PCDHGA1: variants seen among roughly 807,000 people sequenced by gnomAD.
PCDHGA1 encodes the protein protocadherin gamma-A1.
A neutral mutation model predicts 58.0 loss-of-function variants in PCDHGA1; 32 were observed. The ratio of observed to expected loss-of-function variants is 0.55; its 90% CI spans 0.42 to 0.74. The LOEUF (loss-of-function observed/expected upper bound fraction) is 0.74. Among genes scored for constraint, PCDHGA1 ranks in the 30% least tolerant of loss-of-function variants. PCDHGA1 has a pLI of 0.00. For missense variants in PCDHGA1, 1,205 were observed against 1,182.3 expected (o/e 1.02, Z -0.28); for synonymous variants, 498 against 501.1 (o/e 0.99, Z 0.08).
chr5:141,491,871 C>T lies in PCDHGA1; in HGVS notation c.2422-2936C>T, dbSNP rs1222191027. 2.1e-6 allele frequency: 3 copies of T among 1,451,434 alleles called. No individual in the cohort carries two copies. Among genetic ancestry groups the T allele is most frequent in the Non-Finnish European group, 2.7e-6 (3 of 1,098,418 alleles). 89.9% of individuals were successfully genotyped at this position (1,451,434 alleles called of 1,614,324 possible). ...ACCGTTTGCGCGAAACCAGAGTGGC[C>T]GATTAAGGGATGGGGCTCCGAGCAC... On this transcript the variant is annotated intron_variant, in intron 1 of 3. Transcript: ENST00000517417. The surrounding 1 kb of genome is among the most constrained non-coding windows in gnomAD (Gnocchi z 6.9).
chr5:141,396,911 T>C (rs756096789), intron 1 of PCDHGA1, among the ~76,000 whole-genome samples: 3 of 152,238 alleles, frequency 2.0e-5, no homozygotes, highest in Non-Finnish European at 4.4e-5. Context: ...CACTTTGCAA[T>C]TTTAAAAACT....
At position 141,489,786 on chromosome 5, in the gene PCDHGA1, G is replaced by A. The variant is rs758119518; in HGVS notation, c.2422-5021G>A. 8.7e-6 allele frequency: 14 copies of A among 1,614,194 alleles called. No individual in the cohort carries two copies. Among genetic ancestry groups the A allele is most frequent in the Non-Finnish European group, 1.2e-5 (14 of 1,180,014 alleles). ...CCAACAGCCACTTCTCTCTGAATGTGAAGACCCTAAAAGATGGGAAGCCAT... is the reference window on the plus strand; with the variant it reads ...CCAACAGCCACTTCTCTCTGAATGTAAAGACCCTAAAAGATGGGAAGCCAT... On this transcript the variant is annotated intron_variant, in intron 1 of 3. Transcript: ENST00000517417. This position sits in a 1 kb window ranked among gnomAD's most constrained non-coding sequence, Gnocchi z 4.5.
In PCDHGA1 at chr5:141,431,570, G is replaced by A. The variant is rs754760314; in HGVS notation, c.2422-63237G>A. 7 of 1,614,172 alleles carry A rather than the reference G, an allele frequency of 4.3e-6. No individual in the cohort carries two copies. Among genetic ancestry groups the A allele is most frequent in the Non-Finnish European group, 5.9e-6 (7 of 1,180,024 alleles). ...TGTAGTCAACGCTACCGACCCTGAC[G>A]AAGGAGTCAATGCGGAAGTGAGGTA... On this transcript the variant is annotated intron_variant, in intron 1 of 3. Transcript: ENST00000517417. The surrounding 1 kb of genome is among the most constrained non-coding windows in gnomAD (Gnocchi z 4.8).
intron 1 of PCDHGA1, chr5:141,340,658 C>T (rs780458387): frequency 1.9e-6 from 3 of 1,614,234 alleles, no homozygotes; most frequent in Admixed American, 3.3e-5. Flanking sequence ...GCCCGAGATC[C>T]TGTACCCTGC....
chr5:141,392,971 G>T (rs2092639952), intron 1 of PCDHGA1: 1 of 1,613,896 alleles, frequency 6.2e-7, no homozygotes, highest in Non-Finnish European at 8.5e-7. Flanking sequence ...AAGGACCTGG[G>T]GCTGGACCCC....
intron 1 of PCDHGA1, among the ~76,000 whole-genome samples, chr5:141,359,151 T>C (rs1761131965): frequency 6.6e-6 from 1 of 152,200 alleles, no homozygotes; most frequent in South Asian, 2.1e-4. Flanking sequence ...GAATATGATA[T>C]GATGCAGTTA....
At chr5:141,375,833 C>T (rs1269856662) in intron 1 of PCDHGA1, 2 of 1,614,034 alleles carry the variant, frequency 1.2e-6, no homozygotes, top group Non-Finnish European at 1.7e-6. Flanking sequence ...CTCCGCAGAG[C>T]CCGGCTACCT....
chr5:141,431,462 G>A lies in PCDHGA1; in HGVS notation c.2422-63345G>A. ...GCGCATCCGCGTGATGGTTCTGGAT[G>A]CGAACGACAACGCACCAGCGTTTGC... On this transcript the variant is annotated intron_variant, in intron 1 of 3. Transcript: ENST00000517417. This position sits in a 1 kb window ranked among gnomAD's most constrained non-coding sequence, Gnocchi z 4.8. 6.2e-7 allele frequency: 1 copy of A among 1,613,826 alleles called. No individual in the cohort carries two copies. The highest frequency in any genetic ancestry group is 2.2e-5 in the East Asian group (1 of 44,886).
At position 141,489,635 on chromosome 5, in the gene PCDHGA1, G is replaced by C. The variant is rs1380466520; in HGVS notation, c.2422-5172G>C. 2 of 1,614,142 alleles carry C rather than the reference G, an allele frequency of 1.2e-6. No homozygotes were observed. The highest frequency in any genetic ancestry group is 3.3e-5 in the Admixed American group (2 of 60,016). ...CTGGATCTCAATGACAACTCTCCTAGCTTTGCCACCCCTGAGCGAGAGATG... is the reference window on the plus strand; with the variant it reads ...CTGGATCTCAATGACAACTCTCCTACCTTTGCCACCCCTGAGCGAGAGATG... On this transcript the variant is annotated intron_variant, in intron 1 of 3. Transcript: ENST00000517417. This position sits in a 1 kb window ranked among gnomAD's most constrained non-coding sequence, Gnocchi z 4.5.
intron 1 of PCDHGA1, chr5:141,371,812 A>G: frequency 6.2e-7 from 1 of 1,613,904 alleles, no homozygotes; most frequent in Non-Finnish European, 8.5e-7. Flanking sequence ...TCCATTGCGC[A>G]TGTCAGAGCC....
intron 1 of PCDHGA1, chr5:141,408,023 A>G (rs2095028170): frequency 1.9e-6 from 2 of 1,054,662 alleles, no homozygotes; most frequent in Middle Eastern, 3.2e-4. Context: ...CCAACAACAG[A>G]AAGAAGAAAA....
intron 1 of PCDHGA1, among the ~76,000 whole-genome samples, chr5:141,401,895 T>C (rs184400858): frequency 3.8e-4 from 58 of 152,342 alleles, no homozygotes; most frequent in African/African-American, 1.1e-3. Context: ...GTGTTCTTTT[T>C]CCCAAATTAT....
intron 1 of PCDHGA1, chr5:141,392,992 C>T (rs1233401263): frequency 1.2e-6 from 2 of 1,613,700 alleles, no homozygotes; most frequent in Non-Finnish European, 8.5e-7. Flanking sequence ...CGGAAGCTGG[C>T]GAAGCACGGA....
Position 141,355,592 on chromosome 5 carries a change from C to A in PCDHGA1, c.2421+22487C>A, listed in dbSNP as rs748609994. ...ATAATCGATGTTAATGATAACCCAC[C>A]CAGTTTTGGGACAGAACAGAGGGAA... is the stretch of plus-strand genomic sequence containing the variant. On this transcript the variant is annotated intron_variant, in intron 1 of 3. Coordinates refer to ENST00000517417, the MANE Select transcript of PCDHGA1 (RefSeq NM_018912.3). The A allele has an allele frequency of 2.5e-6, 4 of 1,613,844 alleles. No individual in the cohort carries two copies. The African/African-American group carries it at 5.3e-5, about 22-fold the overall frequency.
chr5:141,472,324 G>A (rs1027842697), intron 1 of PCDHGA1, among the ~76,000 whole-genome samples: 2 of 150,650 alleles, frequency 1.3e-5, no homozygotes, highest in African/African-American at 2.4e-5. Flanking sequence ...GGCAGATCAC[G>A]AGGTTGGGAG....
chr5:141,360,162 G>A, intron 1 of PCDHGA1: 2 of 1,607,024 alleles, frequency 1.2e-6, no homozygotes, highest in Non-Finnish European at 1.7e-6. Context: ...GGAGGTGCGG[G>A]CTGGTGCGGT....
intron 1 of PCDHGA1, chr5:141,408,979 C>A (rs1331121466): frequency 6.2e-7 from 1 of 1,613,862 alleles, no homozygotes; most frequent in East Asian, 2.2e-5. Flanking sequence ...CCCCTGGGTC[C>A]CCTGTGTTGC....
At chr5:141,460,569 T>C (rs1234392082) in intron 1 of PCDHGA1, among the ~76,000 whole-genome samples, 2 of 152,100 alleles carry the variant, frequency 1.3e-5, no homozygotes, top group Admixed American at 1.3e-4. Context: ...GCCATGGACA[T>C]ATGTAGGTGT....
At chr5:141,365,300 G>A in intron 1 of PCDHGA1, 1 of 1,614,010 alleles carries the variant, frequency 6.2e-7, no homozygotes, top group South Asian at 1.1e-5. Flanking sequence ...AGCTCAGGAT[G>A]GAGGCGCTCT....
Sources: gnomAD v4.1 joint callset for allele counts (sites outside exome capture counted in the v4.1 genomes callset) on GRCh38, gnomAD v4.1.1 for gene constraint, Gnocchi (gnomAD v3.1) non-coding constraint, MANE v1.5 for transcripts, NCBI Gene and HGNC (gene_info 2026-07-23, HGNC 2026-07-21) for gene names.